Variants in NAV3 observed in about 807,000 individuals in gnomAD.
The protein encoded by NAV3 is pore membrane and/or filament interacting like protein 1.
NAV3 carries 87 observed loss-of-function variants against 244.7 expected under a neutral mutation model. The ratio of observed to expected loss-of-function variants is 0.36; its 90% CI spans 0.30 to 0.42. NAV3 has a LOEUF of 0.42. Ranked by LOEUF, NAV3 falls within the 20% of genes least tolerant of loss-of-function variation. NAV3 has a pLI of 1.00. For missense variants in NAV3, 2,663 were observed against 2,893.3 expected, an observed-to-expected ratio of 0.92 and a Z score of 1.83; for synonymous variants, 1,126 against 1,042.2, an observed-to-expected ratio of 1.08 and a Z score of -1.55.
intron 29 of NAV3, among the ~76,000 whole-genome samples, chr12:78,180,646 G>A (rs894313236): frequency 2.0e-5 from 3 of 151,916 alleles, no homozygotes; most frequent in Non-Finnish European, 4.4e-5. Context: ...TCGAATGGTT[G>A]GATTGTCTAT....
intron 8 of NAV3, among the ~76,000 whole-genome samples, chr12:78,016,752 G>A (rs1283531749): frequency 2.0e-5 from 3 of 152,056 alleles, no homozygotes; most frequent in Non-Finnish European, 4.4e-5. Context: ...GATCCACAGG[G>A]GGAAATATTT....
intron 2 of NAV3, among the ~76,000 whole-genome samples, chr12:77,585,397 C>T (rs1869554052): frequency 6.6e-6 from 1 of 152,164 alleles, no homozygotes; most frequent in African/African-American, 2.4e-5. Context: ...TGGGTAGCAG[C>T]CTTCTAGGAA....
rs368659738 is a variant in NAV3, at chr12:78,095,045, T to TTATATATATATATATATATA, written c.2637-21726_2637-21707dup. 2.2e-4 allele frequency among the ~76,000 whole-genome samples: 27 copies of TTATATATATATATATATATA among 123,842 alleles called. 1 individual carries two copies. Among genetic ancestry groups the TTATATATATATATATATATA allele is most frequent in the African/African-American group, 7.4e-4 (26 of 35,250 alleles). The allele number at this position is 123,842 out of a possible 152,430, so 81.2% of individuals were successfully genotyped here. A position where few individuals can be genotyped will look rare whatever the true frequency, so the allele number is the denominator to read the frequency against. On this transcript the variant is annotated intron_variant, in intron 12 of 39. Transcript: ENST00000397909. ...CCGGTGACAGAGACTCCATATCAAATTATATATATATATATATATACACAC... is the reference window on the plus strand; with the variant it reads ...CCGGTGACAGAGACTCCATATCAAATTATATATATATATATATATATATATATATATATATATATACACAC...
intron 2 of NAV3, among the ~76,000 whole-genome samples, chr12:77,629,311 A>G (rs1268480267): frequency 2.6e-5 from 4 of 152,218 alleles, no homozygotes; most frequent in African/African-American, 9.7e-5. Flanking sequence ...AAATGAAGTG[A>G]AATAGAAATT....
At chr12:77,990,332 G>T (rs953936973) in intron 5 of NAV3, among the ~76,000 whole-genome samples, 7 of 152,218 alleles carry the variant, frequency 4.6e-5, no homozygotes, top group South Asian at 2.1e-4. Context: ...AGAAAAGTTG[G>T]TCAACAGGAA....
chr12:78,128,061 A>T (rs1369146090), intron 17 of NAV3, among the ~76,000 whole-genome samples: 1 of 152,122 alleles, frequency 6.6e-6, no homozygotes, highest in Non-Finnish European at 1.5e-5. Context: ...GTTTGGTGAA[A>T]CACTGAATAA....
At chr12:77,699,526 G>T (rs1157203744) in intron 2 of NAV3, among the ~76,000 whole-genome samples, 1 of 152,112 alleles carries the variant, frequency 6.6e-6, no homozygotes, top group African/African-American at 2.4e-5. Flanking sequence ...AAGCTGAAAA[G>T]ACTTGAAAGG....
At chr12:77,930,454 GT>G (rs1555233092) in intron 1 of NAV3, among the ~76,000 whole-genome samples, 1 of 147,444 alleles carries the variant, frequency 6.8e-6, no homozygotes, top group Non-Finnish European at 1.5e-5. Flanking sequence ...TTTTTTAACA[GT>G]TTCCAACAGA....
intron 8 of NAV3, among the ~76,000 whole-genome samples, chr12:78,018,359 A>T (rs1876586322): frequency 6.6e-6 from 1 of 152,202 alleles, no homozygotes. Flanking sequence ...ATTAAGTCTT[A>T]CATATTGAGG....
At chr12:77,790,384 C>T (rs1305534600) in intron 2 of NAV3, among the ~76,000 whole-genome samples, 1 of 152,034 alleles carries the variant, frequency 6.6e-6, no homozygotes. Flanking sequence ...AGTCATCTGC[C>T]CTCATTTTAG....
At chr12:77,933,274 T>C (rs562979096) in intron 1 of NAV3, among the ~76,000 whole-genome samples, 1 of 152,190 alleles carries the variant, frequency 6.6e-6, no homozygotes, top group African/African-American at 2.4e-5. Flanking sequence ...TATATGACTG[T>C]TAGAGTGATT....
chr12:78,128,727 G>T lies in NAV3; in HGVS notation c.4302G>T (p.Gln1434His), dbSNP rs1956033802. The T allele has an allele frequency of 6.2e-7, 1 of 1,613,952 alleles. No homozygotes were observed. The highest frequency in any genetic ancestry group is 1.3e-5 in the African/African-American group (1 of 75,028). The change falls in exon 18 of 40, where the codon CAG becomes CAT. Residue 1434 changes from glutamine (Q) to histidine (H), a missense_variant. Transcript: ENST00000397909. ...KGLRYTPSSRQANQEEGKEWL... is the reference protein window; with the variant it reads ...KGLRYTPSSRHANQEEGKEWL... Reference sequence around the variant, plus strand: ...GCAGATATACCCCATCATCTCGGCAGGCCAACCAAGAAGAGGGCAAAGAGT... The same window carrying T: ...GCAGATATACCCCATCATCTCGGCATGCCAACCAAGAAGAGGGCAAAGAGT...
At chr12:78,106,156 A>G (rs1188041049) in intron 12 of NAV3, among the ~76,000 whole-genome samples, 2 of 151,894 alleles carry the variant, frequency 1.3e-5, no homozygotes, top group Non-Finnish European at 2.9e-5. Flanking sequence ...TTTATAGTTG[A>G]CATGAACATG....
chr12:77,858,528 G>A (rs567463508), intron 1 of NAV3, among the ~76,000 whole-genome samples: 3 of 152,140 alleles, frequency 2.0e-5, no homozygotes, highest in Admixed American at 2.0e-4. Context: ...AAGAATTGGT[G>A]AGAAAACAGT....
chr12:77,805,801 T>A lies in NAV3; in HGVS notation c.73-134518T>A, dbSNP rs1287771564. 3.3e-5 allele frequency among the ~76,000 whole-genome samples: 5 copies of A among 152,130 alleles called. No individual in the cohort carries two copies. The East Asian group carries it at 5.8e-4, about 18-fold the overall frequency. On this transcript the variant is annotated intron_variant, in intron 2 of 8. Coordinates refer to the NAV3 transcript ENST00000550042. ...GCTGTGAATCCTTCTGGTCCTGGGG[T>A]TTTTTTGGTTGGTAGGTTATTAATT...
chr12:77,920,538 A>G (rs932835665), intron 1 of NAV3, among the ~76,000 whole-genome samples: 2 of 152,064 alleles, frequency 1.3e-5, no homozygotes, highest in South Asian at 4.1e-4. Flanking sequence ...AATTTTCTGG[A>G]AATACAATTA....
intron 10 of NAV3, among the ~76,000 whole-genome samples, 166 bp from the exon 11 acceptor site, chr12:78,050,598 C>T (rs2137237966): frequency 1.3e-5 from 2 of 152,210 alleles, no homozygotes; most frequent in East Asian, 3.9e-4. Context: ...AAAATGTATG[C>T]CCCTTTCCAC....
chr12:77,696,696 G>A (rs946968128), intron 2 of NAV3, among the ~76,000 whole-genome samples: 8 of 152,080 alleles, frequency 5.3e-5, no homozygotes, highest in African/African-American at 1.7e-4. Flanking sequence ...AAATTGGGAG[G>A]TTAAATAAAT....
chr12:77,858,091 G>A (rs1489277590), intron 1 of NAV3, among the ~76,000 whole-genome samples: 2 of 152,018 alleles, frequency 1.3e-5, no homozygotes, highest in African/African-American at 2.4e-5. Context: ...ACTTCTATAG[G>A]AGAGTTCCAA....
Sources: gnomAD v4.1 joint callset for allele counts (sites outside exome capture counted in the v4.1 genomes callset) on GRCh38, gnomAD v4.1.1 for gene constraint, MANE v1.5 for transcripts, NCBI Gene and HGNC (gene_info 2026-07-23, HGNC 2026-07-21) for gene names.